Variants in AGR2 observed in about 807,000 individuals in gnomAD.
The protein encoded by AGR2 is anterior gradient 2, protein disulphide isomerase family member.
AGR2 carries 27 observed loss-of-function variants against 25.9 expected under a neutral mutation model. The observed-to-expected ratio is 1.04, with a 90% confidence interval of 0.77 to 1.44. The LOEUF is 1.44. AGR2 is among the 40% of genes most tolerant of loss of function. The pLI is 0.00. For synonymous variants in AGR2, 78 were observed against 72.0 expected (o/e 1.08, Z -0.42); for missense variants, 182 against 200.9 (o/e 0.91, Z 0.57).
chr7:16,803,298 C>G (rs114181930), intron 1 of AGR2: 9 of 151,934 alleles, frequency 5.9e-5, no homozygotes, highest in Admixed American at 3.3e-4. Flanking sequence ...AGGTTGTCCA[C>G]GGGGCCGTAA....
At chr7:16,799,129 C>A (rs1272986950) in intron 5 of AGR2, among the ~76,000 whole-genome samples, 1 of 152,010 alleles carries the variant, frequency 6.6e-6, no homozygotes, top group African/African-American at 2.4e-5. Context: ...GGAAGAGAGG[C>A]AAGGAAGAAC....
intron 5 of AGR2, 107 bp downstream of exon 5, chr7:16,799,636 AG>A: frequency 1.5e-6 from 1 of 671,344 alleles, no homozygotes; most frequent in Non-Finnish European, 2.5e-6. Flanking sequence ...GATATTTGGA[AG>A]CAATCCCAGT....
chr7:16,798,398 C>G (rs887884686), intron 5 of AGR2, among the ~76,000 whole-genome samples: 2 of 152,108 alleles, frequency 1.3e-5, no homozygotes, highest in African/African-American at 4.8e-5. Flanking sequence ...TGGCCAAGTG[C>G]TGGGGAAGGA....
chr7:16,792,596 G>A lies in AGR2; in HGVS notation c.*312C>T, dbSNP rs1009312256. The stretch of plus-strand genomic sequence containing the variant: ...TGTCCCTTCCTTGAGCATTTTGTGT[G>A]TGTTTAATCCTATTTGGTAAACGAA... On this transcript the variant is annotated 3_prime_UTR_variant, in exon 8 of 8. Transcript: ENST00000419304. 14 of 294,454 alleles carry A rather than the reference G, an allele frequency of 4.8e-5. No homozygotes were observed. Among genetic ancestry groups the A allele is most frequent in the African/African-American group, 3.0e-4 (14 of 46,026 alleles). The allele number at this position is 294,454 out of a possible 1,614,324, so 18.2% of individuals were successfully genotyped here.
chr7:16,801,535 G>A (rs551904125), intron 2 of AGR2, 123 bp downstream of exon 2: 81 of 1,388,964 alleles, frequency 5.8e-5, no homozygotes, highest in Non-Finnish European at 8.2e-5. Flanking sequence ...ACAGTGATAA[G>A]TCTAGAAGGA....
rs149840109 is a variant in AGR2, at chr7:16,801,786, A to T, written c.11T>A (p.Ile4Asn). 1.9e-6 allele frequency: 3 copies of T among 1,608,282 alleles called. No individual in the cohort carries two copies. Among genetic ancestry groups the T allele is most frequent in the Admixed American group, 3.4e-5 (2 of 59,454 alleles). Residue 4 changes from isoleucine (I) to asparagine (N), a missense_variant, in exon 2 of 8, where the codon ATT (isoleucine) becomes AAT (asparagine). Ile to Asn is a moderately radical substitution (Grantham distance 149). Transcript: ENST00000419304. ...AAGGAGCAAGAATGCTGACACTGGAATTTTCTCCATGGCAACTCTAGTATG... is the reference window on the plus strand; with the variant it reads ...AAGGAGCAAGAATGCTGACACTGGATTTTTCTCCATGGCAACTCTAGTATG... MEK[I>N]PVSAFLLLVA...
chr7:16,796,751 A>T (rs1053575040), intron 6 of AGR2, among the ~76,000 whole-genome samples: 1 of 152,218 alleles, frequency 6.6e-6, no homozygotes, highest in African/African-American at 2.4e-5. Flanking sequence ...ACCTGAGGAA[A>T]GTATGACTAC....
chr7:16,801,899 C>G, intron 1 of AGR2, 96 bp from the exon 2 acceptor site: 1 of 1,061,158 alleles, frequency 9.4e-7, no homozygotes, highest in Non-Finnish European at 1.3e-6. Context: ...ATACCAGAAA[C>G]TGAGGCTCTG....
At chr7:16,804,694 G>A (rs3817508) in intron 1 of AGR2, among the ~76,000 whole-genome samples, 1 of 151,814 alleles carries the variant, frequency 6.6e-6, no homozygotes, top group African/African-American at 2.4e-5. Context: ...ATTTTGTTTC[G>A]CAAAAGAGAA....
chr7:16,799,925 A>G (rs1404508026), intron 4 of AGR2, 108 bp from the exon 5 acceptor site: 1 of 759,256 alleles, frequency 1.3e-6, no homozygotes, highest in Non-Finnish European at 2.1e-6. Context: ...TGCATTTTAA[A>G]TACAGTATTC....
rs1785015275 is a variant in AGR2, at chr7:16,794,765, T to G, written c.478+171A>C. 7.5e-6 allele frequency: 11 copies of G among 1,468,550 alleles called. No individual in the cohort carries two copies. The East Asian group carries it at 2.3e-4, about 30-fold the overall frequency. 91.0% of individuals were successfully genotyped at this position (1,468,550 alleles called of 1,614,324 possible). On this transcript the variant is annotated intron_variant, in intron 7 of 7. Transcript: ENST00000419304. ...AGATTAAAAACAAACAAACCTGAGA[T>G]GGAAAGAGTGTGATTTGCCTGAAGA...
At position 16,801,341 on chromosome 7, in the gene AGR2, GCTT is replaced by G; in HGVS notation, c.179_181del (p.Glu60del). Reference sequence around the variant, plus strand: ...TTACCTTGTCTTGGATTTATATAGAGCTTCTTCATATGTCTGAGTCCAGATGAG... The same window carrying G: ...TTACCTTGTCTTGGATTTATATAGAGCTTCATATGTCTGAGTCCAGATGAG... On this transcript the variant is annotated inframe_deletion, in exon 3 of 8. Transcript: ENST00000419304. 6.2e-7 allele frequency: 1 copy of G among 1,613,766 alleles called. No individual in the cohort carries two copies. Among genetic ancestry groups the G allele is most frequent in the African/African-American group, 1.3e-5 (1 of 75,044 alleles).
intron 5 of AGR2, among the ~76,000 whole-genome samples, chr7:16,799,158 T>C (rs1785097545): frequency 6.6e-6 from 1 of 152,152 alleles, no homozygotes; most frequent in African/African-American, 2.4e-5. Context: ...CGAAGTGGTC[T>C]TTAAGGAAGC....
At chr7:16,794,492 A>G (rs1785011108) in intron 7 of AGR2, among the ~76,000 whole-genome samples, 1 of 152,178 alleles carries the variant, frequency 6.6e-6, no homozygotes, top group Non-Finnish European at 1.5e-5. Flanking sequence ...CTTGGCAATC[A>G]TTTGGATCAT....
At chr7:16,796,379 C>T (rs1417689328) in intron 6 of AGR2, among the ~76,000 whole-genome samples, 1 of 152,232 alleles carries the variant, frequency 6.6e-6, no homozygotes, top group Non-Finnish European at 1.5e-5. Context: ...CAAAACTAAA[C>T]CTATAAAATT....
Position 16,801,821 on chromosome 7 carries a change from C to T in AGR2, c.-7-18G>A. 2 of 1,594,718 alleles carry T rather than the reference C, an allele frequency of 1.3e-6. No individual in the cohort carries two copies. The highest frequency in any genetic ancestry group is 1.7e-6 in the Non-Finnish European group (2 of 1,167,896). On this transcript the variant is annotated intron_variant, in intron 1 of 7. Coordinates refer to ENST00000419304, the MANE Select transcript of AGR2 (RefSeq NM_006408.4). ...TGGCAACTCTAGTATGGAAAACCAA[C>T]CAAAATCAGTAAACAAAATTGAACT...
At chr7:16,802,517 C>T (rs1396339831) in intron 1 of AGR2, among the ~76,000 whole-genome samples, 4 of 152,142 alleles carry the variant, frequency 2.6e-5, no homozygotes, top group Admixed American at 6.6e-5. Flanking sequence ...TTAAATATCT[C>T]AAGTAATTTT....
At chr7:16,801,566 G>T in intron 2 of AGR2, 92 bp downstream of exon 2, 1 of 1,510,028 alleles carries the variant, frequency 6.6e-7, no homozygotes, top group Non-Finnish European at 9.2e-7. Flanking sequence ...AAATAACCTG[G>T]CACCAGGTTA....
At chr7:16,802,529 A>C (rs1294755472) in intron 1 of AGR2, among the ~76,000 whole-genome samples, 1 of 152,242 alleles carries the variant, frequency 6.6e-6, no homozygotes, top group African/African-American at 2.4e-5. Flanking sequence ...AGTAATTTTT[A>C]TGAATACTCT....
Sources: allele counts gnomAD v4.1 joint callset (sites outside exome capture counted in the v4.1 genomes callset), GRCh38; gene constraint gnomAD v4.1.1; transcripts MANE v1.5; gene names NCBI Gene and HGNC (gene_info 2026-07-23, HGNC 2026-07-21).